Variants in TESK2 observed in about 807,000 individuals in gnomAD.
The protein encoded by TESK2 is testis associated actin remodelling kinase 2.
TESK2 carries 39 observed loss-of-function variants against 57.1 expected under a neutral mutation model. The observed-to-expected ratio is 0.68, with a 90% confidence interval of 0.53 to 0.89. The LOEUF is 0.89. Among genes scored for constraint, TESK2 ranks in the 40% least tolerant of loss-of-function variants. The pLI, the probability that TESK2 is intolerant of heterozygous loss-of-function variation, is 0.00. For synonymous variants in TESK2, 249 were observed against 267.9 expected, an observed-to-expected ratio of 0.93 and a Z score of 0.69; for missense variants, 646 against 732.1, an observed-to-expected ratio of 0.88 and a Z score of 1.36.
chr1:45,484,368 CA>C (rs1477683205), intron 1 of TESK2, among the ~76,000 whole-genome samples: 5 of 151,896 alleles, frequency 3.3e-5, no homozygotes, highest in Non-Finnish European at 7.4e-5. Context: ...CTCTGCCGCC[CA>C]AAGTGCTGGA....
intron 1 of TESK2, among the ~76,000 whole-genome samples, chr1:45,478,314 C>T (rs1389241954): frequency 1.3e-5 from 2 of 152,138 alleles, no homozygotes; most frequent in African/African-American, 4.8e-5. Context: ...TTTGATATCA[C>T]CCTGCACAAG....
intron 2 of TESK2, among the ~76,000 whole-genome samples, chr1:45,450,579 G>T (rs1417147131): frequency 6.6e-6 from 1 of 152,042 alleles, no homozygotes; most frequent in African/African-American, 2.4e-5. Context: ...TAAGTAATGG[G>T]AATTGTCATA....
chr1:45,350,243 A>G (rs1647212546), intron 5 of TESK2, among the ~76,000 whole-genome samples: 1 of 152,218 alleles, frequency 6.6e-6, no homozygotes. Flanking sequence ...AAGGGTGGCC[A>G]TGGATGCATT....
At chr1:45,445,366 G>A (rs1651605330) in intron 2 of TESK2, among the ~76,000 whole-genome samples, 1 of 152,230 alleles carries the variant, frequency 6.6e-6, no homozygotes, top group African/African-American at 2.4e-5. Context: ...TTTCTCTGCT[G>A]CAACTCCTGC....
At chr1:45,434,587 C>T (rs1651117760) in intron 2 of TESK2, among the ~76,000 whole-genome samples, 1 of 151,812 alleles carries the variant, frequency 6.6e-6, no homozygotes. Flanking sequence ...TGATGTTGAG[C>T]ATTTTTCGTA....
In TESK2 at chr1:45,345,981, A is replaced by C; in HGVS notation, c.893T>G (p.Leu298Arg). 6.2e-7 allele frequency: 1 copy of C among 1,613,986 alleles called. No homozygotes were observed. Among genetic ancestry groups the C allele is most frequent in the East Asian group, 2.2e-5 (1 of 44,886 alleles). The change falls in exon 10 of 11, where the codon CTG becomes CGG. Residue 298 changes from leucine (L) to arginine (R), a missense_variant. Transcript: ENST00000372086. ...TFNCCNMDPKLRPSFVEIGKT... is the reference protein window; with the variant it reads ...TFNCCNMDPKRRPSFVEIGKT... ...CCCAATCTCCACAAAAGATGGGCGC[A>C]GTTTGGGATCCATCTGTAGGTATCC... is the stretch of plus-strand genomic sequence containing the variant.
intron 3 of TESK2, among the ~76,000 whole-genome samples, chr1:45,421,239 G>C (rs1486420057): frequency 3.3e-5 from 5 of 152,286 alleles, no homozygotes; most frequent in Admixed American, 2.6e-4. Context: ...CTGGGTGACA[G>C]AGTGAGACCC....
At chr1:45,350,973 G>GT (rs1187447347) in intron 5 of TESK2, among the ~76,000 whole-genome samples, 2 of 152,156 alleles carry the variant, frequency 1.3e-5, no homozygotes, top group Admixed American at 1.3e-4. Context: ...TCCTCATTGT[G>GT]TGGCATAGCC....
chr1:45,429,830 G>T (rs1197891436), intron 2 of TESK2, among the ~76,000 whole-genome samples: 1 of 152,108 alleles, frequency 6.6e-6, no homozygotes, highest in South Asian at 2.1e-4. Context: ...GAAGTTAGTT[G>T]ATACTAACAA....
At chr1:45,421,875 G>A in intron 2 of TESK2, 29 bp from the exon 3 acceptor site, 2 of 1,612,254 alleles carry the variant, frequency 1.2e-6, no homozygotes, top group Non-Finnish European at 1.7e-6. Context: ...CAAGAAAAGA[G>A]GGTCAAGGGC....
At chr1:45,355,188 T>G (rs541140911) in intron 5 of TESK2, 115 bp downstream of exon 5, 1 of 1,265,536 alleles carries the variant, frequency 7.9e-7, no homozygotes, top group Non-Finnish European at 1.1e-6. Context: ...AAGGACTAAC[T>G]ATAAAATATA....
At position 45,358,006 on chromosome 1, in the gene TESK2, TAAA is replaced by T. The variant is rs760610185; in HGVS notation, c.394-2560_394-2558del. On this transcript the variant is annotated intron_variant, in intron 4 of 10. Transcript: ENST00000372086. ...GCAAGTGACGGAGTGAAACTCCGTC[TAAA>T]AAAAAAAAAAAAAAAAAAAAAAGCC... Among the ~76,000 whole-genome samples, 193 of 24,256 alleles carry T rather than the reference TAAA, an allele frequency of 8.0e-3. 2 individuals are homozygous for T. Among genetic ancestry groups the T allele is most frequent in the African/African-American group, 0.026 (179 of 6,804 alleles). The allele number at this position is 24,256 out of a possible 152,430, so 15.9% of individuals were successfully genotyped here.
At chr1:45,426,722 A>G (rs1650709542) in intron 2 of TESK2, among the ~76,000 whole-genome samples, 1 of 152,242 alleles carries the variant, frequency 6.6e-6, no homozygotes, top group Admixed American at 6.5e-5. Flanking sequence ...ACCAGAATAT[A>G]TAAGAAGTTC....
Position 45,361,573 on chromosome 1 carries a change from T to C in TESK2, c.394-6124A>G, listed in dbSNP as rs540351861. 8.7e-4 allele frequency among the ~76,000 whole-genome samples: 133 copies of C among 152,382 alleles called. 1 individual carries two copies. The highest frequency in any genetic ancestry group is 3.1e-3 in the African/African-American group (129 of 41,596). On this transcript the variant is annotated intron_variant, in intron 4 of 10. Coordinates refer to ENST00000372086, the MANE Select transcript of TESK2 (RefSeq NM_007170.3). The stretch of plus-strand genomic sequence containing the variant: ...AACAGAGTTTCTTCCATTTCATTTG[T>C]GTTTGATACTTGGTTTCATTAAATA...
chr1:45,348,114 G>T (rs903012196), intron 5 of TESK2, 114 bp from the exon 6 acceptor site: 1 of 739,978 alleles, frequency 1.4e-6, no homozygotes. Context: ...TCTGCTCCTT[G>T]GTGAACCGCA....
chr1:45,478,721 C>CT lies in TESK2; in HGVS notation c.-87+12130dup, dbSNP rs772741820. Among the ~76,000 whole-genome samples, 1,409 of 142,036 alleles carry CT rather than the reference C, an allele frequency of 9.9e-3. 14 individuals are homozygous for CT. Among genetic ancestry groups the CT allele is most frequent in the Middle Eastern group, 0.045 (12 of 268 alleles). 93.2% of individuals were successfully genotyped at this position (142,036 alleles called of 152,430 possible). A position where few individuals can be genotyped will look rare whatever the true frequency, so the allele number is the denominator to read the frequency against. On this transcript the variant is annotated intron_variant, in intron 1 of 10. Coordinates refer to ENST00000372086, the MANE Select transcript of TESK2 (RefSeq NM_007170.3). ...CCAAAATGTTAACAATGGTTTTTAA[C>CT]TTTTTTTTTTTTTTTTGAGACAGAG...
rs1449459465 is a variant in TESK2 at position 45,457,824 on chromosome 1, C to A, written c.-39G>T. 1.7e-5 allele frequency: 27 copies of A among 1,560,636 alleles called. No homozygotes were observed. Among genetic ancestry groups the A allele is most frequent in the African/African-American group, 2.7e-5 (2 of 73,496 alleles). The stretch of plus-strand genomic sequence containing the variant: ...ACTTTTTTCTTCTTTTAAGAAGGAA[C>A]TCCACACATAAATTTTTGTTGAATT... On this transcript the variant is annotated 5_prime_UTR_variant, in exon 2 of 11. Coordinates refer to ENST00000372086, the MANE Select transcript of TESK2 (RefSeq NM_007170.3).
At chr1:45,426,621 G>A (rs374455977) in intron 2 of TESK2, among the ~76,000 whole-genome samples, 1 of 152,128 alleles carries the variant, frequency 6.6e-6, no homozygotes, top group Non-Finnish European at 1.5e-5. Flanking sequence ...CGGTTAAAAA[G>A]CTTCTGCACA....
rs370878792 is a variant in TESK2, at chr1:45,357,349, G to A, written c.394-1900C>T. ...GACAGTATCAAAAGCCATGAATGAG[G>A]AAGACGAGCTTGAAAGGTATCCACT... On this transcript the variant is annotated intron_variant, in intron 4 of 10. Transcript: ENST00000372086. Among the ~76,000 whole-genome samples the A allele has an allele frequency of 6.3e-4, 96 of 152,122 alleles. 5 individuals are homozygous for A. The South Asian group carries it at 0.02, about 31-fold the overall frequency.
Sources: gnomAD v4.1 joint callset for allele counts (sites outside exome capture counted in the v4.1 genomes callset) on GRCh38, gnomAD v4.1.1 for gene constraint, MANE v1.5 for transcripts, NCBI Gene and HGNC (gene_info 2026-07-23, HGNC 2026-07-21) for gene names.